Variants in GRK5 observed in about 807,000 individuals in gnomAD.
GRK5 encodes g protein-coupled receptor kinase GRK5.
In GRK5, 40 loss-of-function variants were observed where a neutral mutation model predicts 78.4. That is an observed-to-expected ratio of 0.51 (90% CI 0.40 to 0.66). The LOEUF (loss-of-function observed/expected upper bound fraction) is 0.66, where lower values mean the gene tolerates loss of function less well. GRK5 is among the 30% of genes least tolerant of loss of function. The pLI is 0.00. For synonymous variants in GRK5, 289 were observed against 296.8 expected (o/e 0.97, Z 0.27); for missense variants, 598 against 759.9 (o/e 0.79, Z 2.50).
At chr10:119,325,918 G>C (rs570195596) in intron 1 of GRK5, among the ~76,000 whole-genome samples, 1 of 152,236 alleles carries the variant, frequency 6.6e-6, no homozygotes, top group African/African-American at 2.4e-5. Context: ...GTGTGCACTG[G>C]GGAGGATGTG....
chr10:119,410,051 G>A (rs958271055), intron 4 of GRK5, among the ~76,000 whole-genome samples: 1 of 152,272 alleles, frequency 6.6e-6, no homozygotes, highest in Non-Finnish European at 1.5e-5. Context: ...GAGCCCCCGC[G>A]TGCGCGGCCT....
intron 3 of GRK5, among the ~76,000 whole-genome samples, chr10:119,396,186 T>C (rs1852050049): frequency 6.6e-6 from 1 of 152,242 alleles, no homozygotes; most frequent in Non-Finnish European, 1.5e-5. Flanking sequence ...TAGGTGCTGG[T>C]ACCATCTGCG....
At chr10:119,404,769 T>C (rs1852206144) in intron 4 of GRK5, among the ~76,000 whole-genome samples, 1 of 152,232 alleles carries the variant, frequency 6.6e-6, no homozygotes, top group Non-Finnish European at 1.5e-5. Context: ...CCTTATCCCC[T>C]GGTTGACATG....
rs532056059 is a variant in GRK5, at chr10:119,321,651, A to G, written c.53-4865A>G. Among the ~76,000 whole-genome samples the G allele has an allele frequency of 4.6e-5, 7 of 152,302 alleles. No individual in the cohort carries two copies. The East Asian group carries it at 9.6e-4, about 21-fold the overall frequency. The stretch of plus-strand genomic sequence containing the variant: ...ATCATTATCCATAATCTCATCCACA[A>G]ACTTAATGCTCATTTGTCATGGAAC... On this transcript the variant is annotated intron_variant, in intron 1 of 15. Coordinates refer to ENST00000392870, the MANE Select transcript of GRK5 (RefSeq NM_005308.3).
At chr10:119,247,446 T>G (rs556672094) in intron 1 of GRK5, among the ~76,000 whole-genome samples, 8 of 152,298 alleles carry the variant, frequency 5.3e-5, no homozygotes, top group Non-Finnish European at 2.9e-5. Context: ...GTTTATGTAG[T>G]CAGGAAAGCT....
At chr10:119,382,312 G>A (rs1219584054) in intron 3 of GRK5, among the ~76,000 whole-genome samples, 1 of 152,180 alleles carries the variant, frequency 6.6e-6, no homozygotes, top group Non-Finnish European at 1.5e-5. Flanking sequence ...TCTTAGCTGG[G>A]CGTTAGAAAC....
At chr10:119,407,723 G>A (rs927161672) in intron 4 of GRK5, among the ~76,000 whole-genome samples, 2 of 152,210 alleles carry the variant, frequency 1.3e-5, no homozygotes, top group Non-Finnish European at 2.9e-5. Context: ...TGGTAAAACA[G>A]GGGAATTGAA....
chr10:119,268,667 G>A (rs928024310), intron 1 of GRK5, among the ~76,000 whole-genome samples: 7 of 152,264 alleles, frequency 4.6e-5, no homozygotes, highest in African/African-American at 1.7e-4. Flanking sequence ...TGCTGACCAA[G>A]TGTTTGCTGT....
chr10:119,259,357 C>G (rs2133649490), intron 1 of GRK5, among the ~76,000 whole-genome samples: 1 of 152,358 alleles, frequency 6.6e-6, no homozygotes, highest in Non-Finnish European at 1.5e-5. Flanking sequence ...AGCCACTGCG[C>G]CCGGCCTAAC....
intron 8 of GRK5, among the ~76,000 whole-genome samples, chr10:119,436,347 A>G (rs2133900578): frequency 6.6e-6 from 1 of 152,332 alleles, no homozygotes; most frequent in African/African-American, 2.4e-5. Context: ...TGATGCACAC[A>G]TGTGCTTCTG....
intron 4 of GRK5, among the ~76,000 whole-genome samples, chr10:119,408,553 A>G (rs899247959): frequency 2.6e-5 from 4 of 152,206 alleles, no homozygotes; most frequent in Non-Finnish European, 4.4e-5. Flanking sequence ...CCCAATGTGG[A>G]TGAACCTTGA....
chr10:119,431,298 C>T lies in GRK5; in HGVS notation c.598-89C>T, dbSNP rs1224190099. The T allele has an allele frequency of 1.4e-6, 2 of 1,462,312 alleles. No individual in the cohort carries two copies. The highest frequency in any genetic ancestry group is 2.8e-5 in the African/African-American group (2 of 70,312). 90.6% of individuals were successfully genotyped at this position (1,462,312 alleles called of 1,614,324 possible). ...CGGCTCTGACCCCATCCATTCTCTACCTGGGAGGCCTGTGGTCCCCGCCCT... is the reference window on the plus strand; with the variant it reads ...CGGCTCTGACCCCATCCATTCTCTATCTGGGAGGCCTGTGGTCCCCGCCCT... On this transcript the variant is annotated intron_variant, in intron 7 of 15. Coordinates refer to ENST00000392870, the MANE Select transcript of GRK5 (RefSeq NM_005308.3). This position sits in a 1 kb window ranked among gnomAD's most constrained non-coding sequence, Gnocchi z 4.8.
chr10:119,289,352 C>T (rs74157649), intron 1 of GRK5, among the ~76,000 whole-genome samples: 2,242 of 152,278 alleles, frequency 0.015, 62 homozygotes, highest in African/African-American at 0.05. Flanking sequence ...TAGGACTGGA[C>T]CAGCTAAGGG....
chr10:119,338,815 A>T lies in GRK5; in HGVS notation c.148+12204A>T, dbSNP rs150087100. Among the ~76,000 whole-genome samples the T allele has an allele frequency of 1.0e-3, 157 of 152,368 alleles. 3 individuals are homozygous for T. The East Asian group carries it at 0.027, about 26-fold the overall frequency. ...TAAGCCCTTGCTTATTTTCAAATGA[A>T]TAAATGTGAACCCAGAATAAATGTG... On this transcript the variant is annotated intron_variant, in intron 2 of 15. Coordinates refer to ENST00000392870, the MANE Select transcript of GRK5 (RefSeq NM_005308.3).
intron 1 of GRK5, among the ~76,000 whole-genome samples, chr10:119,320,472 G>A (rs574541760): frequency 6.6e-6 from 1 of 152,360 alleles, no homozygotes; most frequent in South Asian, 2.1e-4. Flanking sequence ...GAATGGATCT[G>A]TAAGCTGATG....
At chr10:119,395,224 A>C (rs17608873) in intron 3 of GRK5, among the ~76,000 whole-genome samples, 13,388 of 152,294 alleles carry the variant, frequency 0.088, 670 homozygotes, top group Middle Eastern at 0.16. Flanking sequence ...TGTAGTGTTC[A>C]TGTTTCTTCA....
chr10:119,403,251 C>A (rs1425501091), intron 4 of GRK5, among the ~76,000 whole-genome samples: 1 of 152,108 alleles, frequency 6.6e-6, no homozygotes, highest in Non-Finnish European at 1.5e-5. Context: ...ACTGCAAGCT[C>A]CGCCTCCCGG....
chr10:119,370,298 C>T (rs1851526059), intron 2 of GRK5, among the ~76,000 whole-genome samples: 1 of 152,212 alleles, frequency 6.6e-6, no homozygotes, highest in Non-Finnish European at 1.5e-5. Flanking sequence ...TCAGTGGTTT[C>T]ACATGTGGCT....
chr10:119,390,972 A>G (rs952990280), intron 3 of GRK5, among the ~76,000 whole-genome samples: 1 of 150,744 alleles, frequency 6.6e-6, no homozygotes, highest in Non-Finnish European at 1.5e-5. Context: ...CCCCTCCACC[A>G]CGTGGAGAGA....
Sources: allele counts gnomAD v4.1 joint callset (sites outside exome capture counted in the v4.1 genomes callset), GRCh38; gene constraint gnomAD v4.1.1; non-coding constraint Gnocchi (gnomAD v3.1); transcripts MANE v1.5; gene names NCBI Gene and HGNC (gene_info 2026-07-23, HGNC 2026-07-21).